The following MGLL variants were observed in gnomAD, a reference collection of about 807,000 sequenced individuals.
MGLL encodes lysophospholipase homolog.
MGLL carries 7 observed loss-of-function variants against 29.1 expected under a neutral mutation model. The observed-to-expected ratio is 0.24, with a 90% CI of 0.14 to 0.45. The LOEUF is 0.45. MGLL is among the 20% of genes least tolerant of loss of function. The pLI, the probability that MGLL is intolerant of heterozygous loss-of-function variation, is 0.99. For synonymous variants in MGLL, 148 were observed against 168.3 expected, an observed-to-expected ratio of 0.88 and a Z score of 0.93; for missense variants, 356 against 413.6, an observed-to-expected ratio of 0.86 and a Z score of 1.21.
At chr3:127,703,306 T>G (rs1181609679) in intron 6 of MGLL, among the ~76,000 whole-genome samples, 1 of 152,130 alleles carries the variant, frequency 6.6e-6, no homozygotes, top group Admixed American at 6.6e-5. Flanking sequence ...TGAGGAATAA[T>G]AAGAGAAACA....
chr3:127,818,946 A>AC (rs1422264888), intron 2 of MGLL, among the ~76,000 whole-genome samples: 1 of 152,214 alleles, frequency 6.6e-6, no homozygotes, highest in Admixed American at 6.5e-5. Context: ...ATTTGTTATT[A>AC]CCGTAAACAC....
At chr3:127,775,852 G>A (rs1042446003) in intron 3 of MGLL, among the ~76,000 whole-genome samples, 1 of 152,228 alleles carries the variant, frequency 6.6e-6, no homozygotes, top group African/African-American at 2.4e-5. Flanking sequence ...GTCTCTCGCA[G>A]CAGCGCCTCC....
intron 1 of MGLL, 92 bp downstream of exon 1, chr3:127,822,217 C>G: frequency 7.0e-7 from 1 of 1,432,028 alleles, no homozygotes; most frequent in Non-Finnish European, 9.8e-7. Flanking sequence ...ATCTTAAAAT[C>G]TCCAAGGAAC....
At chr3:127,757,009 T>C (rs1200068355) in intron 3 of MGLL, among the ~76,000 whole-genome samples, 3 of 152,124 alleles carry the variant, frequency 2.0e-5, no homozygotes, top group Non-Finnish European at 2.9e-5. Flanking sequence ...ACCCTGTAAA[T>C]AAATGTTGGG....
chr3:127,797,684 T>G (rs1014154644), intron 2 of MGLL, among the ~76,000 whole-genome samples: 40 of 152,214 alleles, frequency 2.6e-4, no homozygotes, highest in Admixed American at 2.2e-3. Context: ...CATGGCTCAC[T>G]GCAGCCTCAA....
chr3:127,732,039 C>A (rs565137092), intron 3 of MGLL, among the ~76,000 whole-genome samples: 4 of 152,268 alleles, frequency 2.6e-5, no homozygotes, highest in African/African-American at 9.6e-5. Context: ...CAAAATGAGT[C>A]CCCCGGGAAC....
intron 3 of MGLL, among the ~76,000 whole-genome samples, chr3:127,747,719 G>C (rs1441852450): frequency 6.6e-6 from 1 of 152,162 alleles, no homozygotes; most frequent in African/African-American, 2.4e-5. Flanking sequence ...GAAAACCTCA[G>C]GCTCCCTTGA....
At chr3:127,779,527 C>A (rs559592198) in intron 3 of MGLL, among the ~76,000 whole-genome samples, 24 of 150,958 alleles carry the variant, frequency 1.6e-4, no homozygotes, top group Non-Finnish European at 3.1e-4. Context: ...AAAGTCTAGA[C>A]AGTTGTGGCT....
At chr3:127,763,144 C>G (rs941114399) in intron 3 of MGLL, among the ~76,000 whole-genome samples, 3 of 152,194 alleles carry the variant, frequency 2.0e-5, no homozygotes, top group Non-Finnish European at 4.4e-5. Flanking sequence ...GTCCTTATTA[C>G]CTAGGCAGGG....
chr3:127,694,371 ATG>A (rs1307575617), intron 7 of MGLL, among the ~76,000 whole-genome samples: 1 of 103,164 alleles, frequency 9.7e-6, no homozygotes, highest in Non-Finnish European at 2.0e-5. Context: ...ATATATATGT[ATG>A]TATATATATG....
At chr3:127,734,269 G>T (rs1047916372) in intron 3 of MGLL, among the ~76,000 whole-genome samples, 3 of 152,230 alleles carry the variant, frequency 2.0e-5, no homozygotes, top group African/African-American at 7.2e-5. Flanking sequence ...CCTGGGACTG[G>T]TCTGGTCCCT....
intron 3 of MGLL, among the ~76,000 whole-genome samples, chr3:127,732,018 G>C (rs543856574): frequency 6.6e-6 from 1 of 152,142 alleles, no homozygotes; most frequent in Admixed American, 6.5e-5. Flanking sequence ...TTTCCATGTT[G>C]TTACCATGTA....
At chr3:127,818,035 A>T (rs1207561356) in intron 2 of MGLL, among the ~76,000 whole-genome samples, 1 of 152,218 alleles carries the variant, frequency 6.6e-6, no homozygotes, top group East Asian at 1.9e-4. Context: ...ATCTCCGCTC[A>T]CTGCAACCTC....
At chr3:127,812,025 C>A (rs2077671893) in intron 2 of MGLL, among the ~76,000 whole-genome samples, 1 of 152,254 alleles carries the variant, frequency 6.6e-6, no homozygotes, top group Non-Finnish European at 1.5e-5. Context: ...GGATCTAGCA[C>A]ATGGCCCTTG....
chr3:127,725,010 C>T (rs1286674388), intron 3 of MGLL, among the ~76,000 whole-genome samples: 3 of 152,074 alleles, frequency 2.0e-5, no homozygotes, highest in African/African-American at 4.8e-5. Flanking sequence ...TCATCCACAG[C>T]CCCCAAGCTG....
At chr3:127,722,030 C>T (rs2075935904) in intron 4 of MGLL, among the ~76,000 whole-genome samples, 1 of 152,212 alleles carries the variant, frequency 6.6e-6, no homozygotes, top group South Asian at 2.1e-4. Context: ...CCCTCTGTCC[C>T]TAGTTAACAT....
At chr3:127,799,740 C>T (rs541934776) in intron 2 of MGLL, among the ~76,000 whole-genome samples, 60 of 152,270 alleles carry the variant, frequency 3.9e-4, no homozygotes, top group Non-Finnish European at 7.6e-4. Context: ...ACAGTAGTAC[C>T]GGCAAAGGAA....
At chr3:127,740,887 G>T (rs78662325) in intron 3 of MGLL, among the ~76,000 whole-genome samples, 33,086 of 152,168 alleles carry the variant, frequency 0.22, 3,975 homozygotes, top group Admixed American at 0.3. Flanking sequence ...GCCAGGCAGG[G>T]CCTAGGGGAG....
chr3:127,760,176 T>C (rs2076738440), intron 3 of MGLL, among the ~76,000 whole-genome samples: 1 of 152,218 alleles, frequency 6.6e-6, no homozygotes, highest in Non-Finnish European at 1.5e-5. Context: ...ATTGAGTTTG[T>C]GTGGGGTCCT....
Sources: gnomAD v4.1 joint callset for allele counts (sites outside exome capture counted in the v4.1 genomes callset) on GRCh38, gnomAD v4.1.1 for gene constraint, MANE v1.5 for transcripts, NCBI Gene and HGNC (gene_info 2026-07-23, HGNC 2026-07-21) for gene names.